The following VPS13A variants were observed in gnomAD, a reference collection of about 807,000 sequenced individuals.
VPS13A encodes the protein intermembrane lipid transfer protein VPS13A.
A neutral mutation model predicts 390.9 loss-of-function variants in VPS13A; 264 were observed. That is an observed-to-expected ratio of 0.68 (90% CI 0.61 to 0.75). VPS13A has a LOEUF of 0.75. VPS13A is among the 30% of genes least tolerant of loss of function. The pLI is 0.00. For missense variants in VPS13A, 3,409 were observed against 3,733.9 expected (o/e 0.91, Z 2.27); for synonymous variants, 1,231 against 1,227.1 (o/e 1.00, Z -0.07).
intron 19 of VPS13A, among the ~76,000 whole-genome samples, chr9:77,244,107 G>A (rs1352849891): frequency 6.6e-6 from 1 of 152,104 alleles, no homozygotes; most frequent in Non-Finnish European, 1.5e-5. Flanking sequence ...GTTTGGTGAC[G>A]TGTACCTATC....
At chr9:77,402,657 G>C (rs1232134100) in intron 68 of VPS13A, among the ~76,000 whole-genome samples, 1 of 152,150 alleles carries the variant, frequency 6.6e-6, no homozygotes, top group Non-Finnish European at 1.5e-5. Flanking sequence ...TTAATAAACA[G>C]TGTCATGGAT....
intron 20 of VPS13A, among the ~76,000 whole-genome samples, chr9:77,248,359 G>A (rs1824947244): frequency 6.6e-6 from 1 of 151,578 alleles, no homozygotes; most frequent in African/African-American, 2.4e-5. Flanking sequence ...GGGACTCCAG[G>A]CCCCCGCCAC....
chr9:77,232,664 CAT>C (rs1823902915), intron 17 of VPS13A, among the ~76,000 whole-genome samples: 1 of 152,090 alleles, frequency 6.6e-6, no homozygotes, highest in Non-Finnish European at 1.5e-5. Flanking sequence ...GGAGCAAAGT[CAT>C]ATCTTATATG....
At chr9:77,255,028 CTTGAATAGAA>C (rs1166443740) in intron 22 of VPS13A, among the ~76,000 whole-genome samples, 6 of 152,064 alleles carry the variant, frequency 3.9e-5, no homozygotes, top group African/African-American at 1.4e-4. Flanking sequence ...TTAGCACTCT[CTTGAATAGAA>C]GTAGTTTAGG....
At chr9:77,319,761 CA>C (rs1164444048) in intron 42 of VPS13A, 88 bp downstream of exon 42, 4 of 709,892 alleles carry the variant, frequency 5.6e-6, no homozygotes, top group Non-Finnish European at 8.9e-6. Context: ...AGGTTCACAG[CA>C]AAATTGAGAA....
chr9:77,315,011 AT>A (rs1829305817), intron 37 of VPS13A, among the ~76,000 whole-genome samples: 1 of 152,196 alleles, frequency 6.6e-6, no homozygotes, highest in Non-Finnish European at 1.5e-5. Flanking sequence ...AAAAGAAAAA[AT>A]ATCCTGAGAT....
At chr9:77,204,258 T>C (rs1455361180) in intron 3 of VPS13A, among the ~76,000 whole-genome samples, 2 of 152,156 alleles carry the variant, frequency 1.3e-5, no homozygotes, top group African/African-American at 4.8e-5. Flanking sequence ...TAGACACTCA[T>C]ACCATTTAAA....
At chr9:77,399,202 A>C (rs897800544) in intron 68 of VPS13A, among the ~76,000 whole-genome samples, 2 of 94,380 alleles carry the variant, frequency 2.1e-5, no homozygotes, top group Non-Finnish European at 4.5e-5. Flanking sequence ...AAAAAAAAAA[A>C]AAACAAAGGA....
intron 1 of VPS13A, among the ~76,000 whole-genome samples, chr9:77,196,124 ATTTAT>A (rs569058177): frequency 2.0e-5 from 3 of 151,596 alleles, no homozygotes; most frequent in Non-Finnish European, 4.4e-5. Flanking sequence ...TTATTTCCTT[ATTTAT>A]TTTATTTATT....
rs1315358569 is a variant in VPS13A, at chr9:77,214,748, A to T, written c.754+362A>T. 2.0e-5 allele frequency among the ~76,000 whole-genome samples: 3 copies of T among 152,178 alleles called. No individual in the cohort carries two copies. The East Asian group carries it at 5.8e-4, about 29-fold the overall frequency. On this transcript the variant is annotated intron_variant, in intron 10 of 71. Coordinates refer to ENST00000360280, the MANE Select transcript of VPS13A (RefSeq NM_033305.3). ...GTACAGCCTTTTTCGAAATAGTAAGATCACGCTGCATTTAAAATTTTTTTA... is the reference window on the plus strand; with the variant it reads ...GTACAGCCTTTTTCGAAATAGTAAGTTCACGCTGCATTTAAAATTTTTTTA...
At chr9:77,255,280 T>A (rs1825376753) in intron 22 of VPS13A, among the ~76,000 whole-genome samples, 2 of 152,154 alleles carry the variant, frequency 1.3e-5, no homozygotes, top group African/African-American at 4.8e-5. Context: ...GATGATTTTT[T>A]TCCTTCATTC....
chr9:77,250,447 G>A (rs1269004844), intron 21 of VPS13A, among the ~76,000 whole-genome samples: 1 of 152,130 alleles, frequency 6.6e-6, no homozygotes, highest in African/African-American at 2.4e-5. Context: ...GTCACAGGTA[G>A]AGCATGAGTG....
At chr9:77,367,943 T>C in intron 61 of VPS13A, 112 bp from the exon 62 acceptor site, 1 of 1,004,686 alleles carries the variant, frequency 1.0e-6, no homozygotes, top group Non-Finnish European at 1.5e-6. Context: ...GAAAATGTAC[T>C]AGAAGGAAAG....
chr9:77,399,139 C>T (rs1437234355), intron 68 of VPS13A, among the ~76,000 whole-genome samples: 1 of 123,218 alleles, frequency 8.1e-6, no homozygotes, highest in Non-Finnish European at 1.6e-5. Context: ...GCACAATGTG[C>T]ACATGTACCC....
At chr9:77,363,002 T>G (rs978983538) in intron 59 of VPS13A, among the ~76,000 whole-genome samples, 3 of 152,308 alleles carry the variant, frequency 2.0e-5, no homozygotes, top group African/African-American at 4.8e-5. Context: ...CTATTTGTTG[T>G]TCCGTATATT....
intron 3 of VPS13A, among the ~76,000 whole-genome samples, chr9:77,204,695 T>G (rs1400444087): frequency 1.3e-5 from 2 of 152,128 alleles, no homozygotes; most frequent in Non-Finnish European, 2.9e-5. Context: ...AGCATGATCA[T>G]GGCTCACTGT....
At chr9:77,406,558 C>CA (rs1409464210) in intron 70 of VPS13A, among the ~76,000 whole-genome samples, 5 of 152,052 alleles carry the variant, frequency 3.3e-5, no homozygotes, top group Admixed American at 2.0e-4. Flanking sequence ...GCTGGGATTA[C>CA]AGGCATGTGC....
In VPS13A at chr9:77,324,948, C is replaced by T. The variant is rs556773074; in HGVS notation, c.5991+1721C>T. 1.7e-4 allele frequency among the ~76,000 whole-genome samples: 26 copies of T among 151,392 alleles called. 2 individuals are homozygous for T. The South Asian group carries it at 2.3e-3, about 13-fold the overall frequency. ...TGTTTCATGGAAGACAATTTTTCCACGGGTGGGGGGCTGGGGCATATAGTC... is the reference window on the plus strand; with the variant it reads ...TGTTTCATGGAAGACAATTTTTCCATGGGTGGGGGGCTGGGGCATATAGTC... On this transcript the variant is annotated intron_variant, in intron 45 of 71. Coordinates refer to ENST00000360280, the MANE Select transcript of VPS13A (RefSeq NM_033305.3).
At chr9:77,357,316 C>CAAAAAAAAAAAA (rs1156801817) in intron 55 of VPS13A, among the ~76,000 whole-genome samples, 1 of 44,604 alleles carries the variant, frequency 2.2e-5, no homozygotes, top group Non-Finnish European at 3.9e-5. Flanking sequence ...GACTCTGTCT[C>CAAAAAAAAAAAA]AAAAAAAAAA....
Sources: allele counts gnomAD v4.1 joint callset (sites outside exome capture counted in the v4.1 genomes callset), GRCh38; gene constraint gnomAD v4.1.1; transcripts MANE v1.5; gene names NCBI Gene and HGNC (gene_info 2026-07-23, HGNC 2026-07-21).